The following KLF13 variants were observed in gnomAD, a reference collection of about 807,000 sequenced individuals.
KLF13 encodes the protein KLF transcription factor 13.
KLF13 carries 8 observed loss-of-function variants against 16.7 expected under a neutral mutation model. The ratio of observed to expected loss-of-function variants is 0.48; its 90% confidence interval spans 0.28 to 0.87. The LOEUF (loss-of-function observed/expected upper bound fraction) is 0.87, where lower values mean the gene tolerates loss of function less well. Ranked by LOEUF, KLF13 falls within the 40% of genes least tolerant of loss-of-function variation. KLF13 has a pLI of 0.10. For synonymous variants in KLF13, 245 were observed against 208.4 expected, an observed-to-expected ratio of 1.18 and a Z score of -1.51; for missense variants, 447 against 452.2, an observed-to-expected ratio of 0.99 and a Z score of 0.10.
intron 1 of KLF13, among the ~76,000 whole-genome samples, chr15:31,366,729 C>CATCACTGTGTGCCCCCCTGTG: frequency 6.7e-6 from 1 of 150,288 alleles, no homozygotes; most frequent in Non-Finnish European, 1.5e-5. Flanking sequence ...TGGCCCCTCA[C>CATCACTGTGTGCCCCCCTGTG]CTCACTGTGT....
intron 2 of KLF13, among the ~76,000 whole-genome samples, chr15:31,403,225 G>A (rs752473018): frequency 1.3e-5 from 2 of 152,144 alleles, no homozygotes; most frequent in Non-Finnish European, 2.9e-5. Flanking sequence ...GCTCTGGTCC[G>A]GATAACTCTG....
chr15:31,415,493 T>A (rs75228639), intron 1 of KLF13, among the ~76,000 whole-genome samples: 1 of 152,244 alleles, frequency 6.6e-6, no homozygotes, highest in South Asian at 2.1e-4. Flanking sequence ...AATAATTTGG[T>A]AAACTCAGAG....
intron 1 of KLF13, among the ~76,000 whole-genome samples, chr15:31,424,327 A>G (rs764809787): frequency 6.6e-6 from 1 of 152,194 alleles, no homozygotes; most frequent in Admixed American, 6.5e-5. Flanking sequence ...TCAACAAAAT[A>G]CTAGCAAACC....
intron 2 of KLF13, among the ~76,000 whole-genome samples, chr15:31,402,906 C>A (rs1366084803): frequency 6.6e-6 from 1 of 151,632 alleles, no homozygotes; most frequent in Non-Finnish European, 1.5e-5. Flanking sequence ...GAGGGATGGG[C>A]AATGGGACTC....
At chr15:31,354,921 G>T (rs1370055095) in intron 1 of KLF13, among the ~76,000 whole-genome samples, 1 of 152,104 alleles carries the variant, frequency 6.6e-6, no homozygotes, top group Non-Finnish European at 1.5e-5. Flanking sequence ...TTCATACTGG[G>T]CTAACAGTAA....
At chr15:31,360,558 C>T (rs942808357) in intron 1 of KLF13, among the ~76,000 whole-genome samples, 3 of 152,124 alleles carry the variant, frequency 2.0e-5, no homozygotes, top group South Asian at 2.1e-4. Flanking sequence ...TGGGCAAGAC[C>T]GAGAGCCCCT....
chr15:31,435,314 C>T (rs1403642867), intron 1 of KLF13: 1 of 152,122 alleles, frequency 6.6e-6, no homozygotes, highest in Non-Finnish European at 1.5e-5. Flanking sequence ...TAGGACCCTT[C>T]GCAGGTGGTG....
intron 1 of KLF13, among the ~76,000 whole-genome samples, chr15:31,337,741 G>C (rs192321964): frequency 1.6e-3 from 242 of 152,292 alleles, no homozygotes; most frequent in African/African-American, 5.5e-3. Flanking sequence ...TTAAAATGGG[G>C]TGTCGTCTTA....
chr15:31,409,568 C>T (rs1003224393), downstream of KLF13, among the ~76,000 whole-genome samples: 2 of 152,016 alleles, frequency 1.3e-5, no homozygotes, highest in Admixed American at 1.3e-4. Context: ...AGAGAAACCA[C>T]ACTTACGTAT....
At chr15:31,366,215 AC>A (rs1158373738) in intron 1 of KLF13, 3 of 147,804 alleles carry the variant, frequency 2.0e-5, no homozygotes, top group African/African-American at 7.6e-5. Context: ...GGACCCCCAA[AC>A]CCCAGCATGG....
rs1555382139 is a variant in KLF13 at position 31,410,621 on chromosome 15, A to ACACC, written n.117+16933_117+16934insCCAC. 1.8e-4 allele frequency among the ~76,000 whole-genome samples: 26 copies of ACACC among 144,840 alleles called. 1 individual carries two copies. Among genetic ancestry groups the ACACC allele is most frequent in the African/African-American group, 6.7e-4 (26 of 38,660 alleles). On this transcript the variant is annotated intron_variant and non_coding_transcript_variant, in intron 1 of 1. Transcript: ENST00000558225. ...CACACACACACACACACACACACAC[A>ACACC]CACACCCCTATAACATCAAAGTAAA...
rs2038738991 is a variant in KLF13 at position 31,327,615 on chromosome 15, C to G, written c.403C>G (p.Arg135Gly). 6 of 1,326,806 alleles carry G rather than the reference C, an allele frequency of 4.5e-6. No individual in the cohort carries two copies. The highest frequency in any genetic ancestry group is 5.9e-6 in the Non-Finnish European group (6 of 1,023,264). 82.2% of individuals were successfully genotyped at this position (1,326,806 alleles called of 1,614,324 possible). A position where few individuals can be genotyped will look rare whatever the true frequency, so the allele number is the denominator to read the frequency against. ...GCCCGAGGCGGGGCTGGAGCCCGAG[C>G]GGGAGCCGGGGCCCGCGGGGAGCGG... ...PEPEAGLEPE[R>G]EPGPAGSGEP... Residue 135 changes from arginine to glycine, a missense_variant, in exon 1 of 2, where the codon CGG becomes GGG. Physicochemically the swap from Arg to Gly is moderately radical, Grantham distance 125. Transcript: ENST00000307145.
chr15:31,344,019 A>G (rs2039072521), intron 1 of KLF13, among the ~76,000 whole-genome samples: 1 of 152,168 alleles, frequency 6.6e-6, no homozygotes, highest in Non-Finnish European at 1.5e-5. Flanking sequence ...TTGCTGCCCT[A>G]AATACTTGCT....
chr15:31,382,908 G>A (rs576287278), intron 1 of KLF13, among the ~76,000 whole-genome samples: 2 of 152,306 alleles, frequency 1.3e-5, no homozygotes. Context: ...TAGGCCCAAG[G>A]AGCTCAGTCT....
At position 31,342,248 on chromosome 15, in the gene KLF13, G is replaced by A. The variant is rs150477685; in HGVS notation, c.577+14459G>A. ...ACAGGAGAGATTGTGCCTGCAGGTG[G>A]CCATGCTAGTCCTGCCGAGTGACCC... On this transcript the variant is annotated intron_variant, in intron 1 of 1. Coordinates refer to ENST00000307145, the MANE Select transcript of KLF13 (RefSeq NM_015995.4). Among the ~76,000 whole-genome samples, 268 of 152,258 alleles carry A rather than the reference G, an allele frequency of 1.8e-3. 2 individuals are homozygous for A. Among genetic ancestry groups the A allele is most frequent in the African/African-American group, 5.7e-3 (238 of 41,542 alleles).
At chr15:31,335,816 C>G (rs1286750608) in intron 1 of KLF13, among the ~76,000 whole-genome samples, 1 of 152,126 alleles carries the variant, frequency 6.6e-6, no homozygotes, top group African/African-American at 2.4e-5. Flanking sequence ...CCCTGGGTCC[C>G]CAGGCACAGG....
intron 1 of KLF13, among the ~76,000 whole-genome samples, chr15:31,333,607 C>T (rs368267136): frequency 3.3e-5 from 5 of 151,892 alleles, no homozygotes; most frequent in Non-Finnish European, 7.4e-5. Context: ...CTATATTTTT[C>T]TCCCTTTTCC....
chr15:31,420,524 G>T, intron 1 of KLF13: 1 of 575,350 alleles, frequency 1.7e-6, no homozygotes, highest in South Asian at 1.5e-5. Flanking sequence ...GACCATTCTG[G>T]TCTCCATCCA....
At chr15:31,395,566 G>A (rs551872510) in intron 2 of KLF13, among the ~76,000 whole-genome samples, 1 of 152,220 alleles carries the variant, frequency 6.6e-6, no homozygotes, top group South Asian at 2.1e-4. Flanking sequence ...TTGAGGAACT[G>A]CCAGACTGTT....
Sources: allele counts gnomAD v4.1 joint callset (sites outside exome capture counted in the v4.1 genomes callset), GRCh38; gene constraint gnomAD v4.1.1; transcripts MANE v1.5; gene names NCBI Gene and HGNC (gene_info 2026-07-23, HGNC 2026-07-21).